Variants in PCDHAC1 observed in about 807,000 individuals in gnomAD.
PCDHAC1 encodes the protein protocadherin alpha subfamily C, 1, also known as protocadherin alpha-C1.
Under a neutral mutation model 60.0 loss-of-function variants are expected in PCDHAC1, and 42 were observed. The observed-to-expected ratio is 0.70, with a 90% CI of 0.55 to 0.90. The LOEUF (loss-of-function observed/expected upper bound fraction) is 0.90. PCDHAC1 is among the 40% of genes least tolerant of loss of function. PCDHAC1 has a pLI of 0.00. For synonymous variants in PCDHAC1, 468 were observed against 499.3 expected, an observed-to-expected ratio of 0.94 and a Z score of 0.84; for missense variants, 1,160 against 1,222.3, an observed-to-expected ratio of 0.95 and a Z score of 0.76.
intron 1 of PCDHAC1, among the ~76,000 whole-genome samples, chr5:140,942,026 A>G (rs1394001505): frequency 6.6e-6 from 1 of 152,194 alleles, no homozygotes; most frequent in Non-Finnish European, 1.5e-5. Flanking sequence ...GGAAAAAATA[A>G]TTCATAAACC....
In PCDHAC1 at chr5:140,993,461, CT is replaced by C. The variant is rs1554253717; in HGVS notation, c.2581+10899del. 2.8e-3 allele frequency among the ~76,000 whole-genome samples: 284 copies of C among 103,272 alleles called. 3 individuals are homozygous for C. Among genetic ancestry groups the C allele is most frequent in the African/African-American group, 0.011 (251 of 22,630 alleles). 67.8% of individuals were successfully genotyped at this position (103,272 alleles called of 152,430 possible). ...TCATTCCTGTTCTCCTTCTTTCTTTCTCACACACACACACACACACACACAC... is the reference window on the plus strand; with the variant it reads ...TCATTCCTGTTCTCCTTCTTTCTTTCCACACACACACACACACACACACAC... On this transcript the variant is annotated intron_variant, in intron 3 of 3. Coordinates refer to ENST00000253807, the MANE Select transcript of PCDHAC1 (RefSeq NM_018898.5).
In PCDHAC1 at chr5:140,926,944, G is replaced by A; in HGVS notation, c.52G>A (p.Ala18Thr). The change falls in exon 1 of 4, where the codon GCA (alanine) becomes ACA (threonine). Residue 18 changes from alanine (A) to threonine (T), a missense_variant. Physicochemically the swap from Ala to Thr is moderately conservative, Grantham distance 58. This residue lies in a region of PCDHAC1 where 43 missense variants were observed against 40.4 expected (regional missense o/e 1.06). Coordinates refer to ENST00000253807, the MANE Select transcript of PCDHAC1 (RefSeq NM_018898.5). ...ATGTTTGTGGGTTTCCTGCGGCGCTGCAGCGGGACAGCTCGAGTACTCAGT... is the reference window on the plus strand; with the variant it reads ...ATGTTTGTGGGTTTCCTGCGGCGCTACAGCGGGACAGCTCGAGTACTCAGT... ...VLCLWVSCGA[A>T]AGQLEYSVPE... The A allele has an allele frequency of 6.3e-7, 1 of 1,588,324 alleles. No individual in the cohort carries two copies. The highest frequency in any genetic ancestry group is 8.6e-7 in the Non-Finnish European group (1 of 1,164,212).
chr5:140,980,229 T>C (rs2096881022), intron 2 of PCDHAC1, among the ~76,000 whole-genome samples: 1 of 152,232 alleles, frequency 6.6e-6, no homozygotes, highest in South Asian at 2.1e-4. Flanking sequence ...TCTGAGCTGT[T>C]GGTGGAGACA....
At chr5:140,989,437 A>G (rs1330784508) in intron 3 of PCDHAC1, among the ~76,000 whole-genome samples, 1 of 152,138 alleles carries the variant, frequency 6.6e-6, no homozygotes, top group East Asian at 1.9e-4. Flanking sequence ...AAAATTGCTG[A>G]GGTTGTTTAG....
chr5:140,981,721 A>G (rs2096948672), intron 2 of PCDHAC1, among the ~76,000 whole-genome samples: 1 of 151,112 alleles, frequency 6.6e-6, no homozygotes, highest in Non-Finnish European at 1.5e-5. Context: ...TTCATCCAAC[A>G]AATATTTGAG....
At chr5:140,949,721 A>G (rs1466646683) in intron 1 of PCDHAC1, among the ~76,000 whole-genome samples, 1 of 151,690 alleles carries the variant, frequency 6.6e-6, no homozygotes, top group East Asian at 1.9e-4. Context: ...CATTTTGATA[A>G]TATCTGCTTT....
intron 1 of PCDHAC1, among the ~76,000 whole-genome samples, chr5:140,953,914 T>A (rs1554221128): frequency 6.6e-6 from 1 of 152,134 alleles, no homozygotes; most frequent in South Asian, 2.1e-4. Context: ...ATCCATTAGG[T>A]ATTCTTCCTG....
chr5:140,949,852 T>C (rs1311994394), intron 1 of PCDHAC1, among the ~76,000 whole-genome samples: 1 of 151,956 alleles, frequency 6.6e-6, no homozygotes. Context: ...TGTTTCCGCT[T>C]ATCTGTTGTC....
At chr5:140,929,663 G>A (rs1284467278) in intron 1 of PCDHAC1, 1 of 336,002 alleles carries the variant, frequency 3.0e-6, no homozygotes, top group African/African-American at 2.1e-5. Context: ...TATTTAAAGT[G>A]AAGAATGAAA....
intron 2 of PCDHAC1, among the ~76,000 whole-genome samples, chr5:140,981,854 C>T (rs2096954295): frequency 6.6e-6 from 1 of 152,132 alleles, no homozygotes; most frequent in South Asian, 2.1e-4. Flanking sequence ...GTATCTCACT[C>T]CCAGCAATGT....
intron 1 of PCDHAC1, among the ~76,000 whole-genome samples, chr5:140,933,464 A>G (rs1257783133): frequency 1.3e-5 from 2 of 152,074 alleles, no homozygotes; most frequent in African/African-American, 4.8e-5. Flanking sequence ...TATACTCTGA[A>G]TTCAAACACA....
At chr5:140,937,500 C>T (rs2091549219) in intron 1 of PCDHAC1, among the ~76,000 whole-genome samples, 1 of 152,024 alleles carries the variant, frequency 6.6e-6, no homozygotes, top group Admixed American at 6.6e-5. Context: ...ACCCGTAATC[C>T]CAGCTACTCA....
Position 140,929,423 on chromosome 5 carries a change from C to T in PCDHAC1, c.2433+98C>T, listed in dbSNP as rs1435902323. 4.7e-6 allele frequency: 7 copies of T among 1,499,372 alleles called. No homozygotes were observed. In the Admixed American group the frequency reaches 7.1e-5, roughly 15 times the overall value. The allele number at this position is 1,499,372 out of a possible 1,614,324, so 92.9% of individuals were successfully genotyped here. A position where few individuals can be genotyped will look rare whatever the true frequency, so the allele number is the denominator to read the frequency against. The stretch of plus-strand genomic sequence containing the variant: ...AGACAAGCCTTTCACAACATTTCAT[C>T]AATTGAACTAAACACTCCTTCTTAG... On this transcript the variant is annotated intron_variant, in intron 1 of 3. Transcript: ENST00000253807.
At chr5:140,972,660 A>ATTTTTT (rs11350929) in intron 1 of PCDHAC1, among the ~76,000 whole-genome samples, 2 of 117,268 alleles carry the variant, frequency 1.7e-5, no homozygotes, top group African/African-American at 3.3e-5. Context: ...AAGAAACCAA[A>ATTTTTT]TTTTTTTTTT....
At chr5:141,001,265 T>C (rs71583613) in intron 3 of PCDHAC1, among the ~76,000 whole-genome samples, 24 of 152,168 alleles carry the variant, frequency 1.6e-4, no homozygotes, top group Admixed American at 7.2e-4. Flanking sequence ...GGCACTCTTA[T>C]GAACTTTTTT....
rs143656335 is a variant in PCDHAC1, at chr5:140,968,986, A to G, written c.2434-9963A>G. 244 of 1,614,206 alleles carry G rather than the reference A, an allele frequency of 1.5e-4. No individual in the cohort carries two copies. In the African/African-American group the frequency reaches 3.0e-3, roughly 20 times the overall value. On this transcript the variant is annotated intron_variant, in intron 1 of 3. Transcript: ENST00000253807. ...ACCGCTACACTGCGTATGGCACTGC[A>G]TGCTGTGGAGGCTTCTGTGGAGTAA...
chr5:140,970,854 T>TC (rs112843531), intron 1 of PCDHAC1, among the ~76,000 whole-genome samples: 13,960 of 152,238 alleles, frequency 0.092, 852 homozygotes, highest in African/African-American at 0.17. Context: ...GCACAAAAGT[T>TC]CCATTCCTGA....
At chr5:140,955,190 A>G (rs1269758289) in intron 1 of PCDHAC1, among the ~76,000 whole-genome samples, 2 of 152,050 alleles carry the variant, frequency 1.3e-5, no homozygotes, top group Admixed American at 6.6e-5. Flanking sequence ...TGTGGTGTAT[A>G]TGAAGTCAAT....
rs190283736 is a variant in PCDHAC1 at position 140,986,671 on chromosome 5, A to G, written c.2581+4108A>G. 1.7e-3 allele frequency among the ~76,000 whole-genome samples: 261 copies of G among 152,322 alleles called. 3 individuals carry two copies. The highest frequency in any genetic ancestry group is 2.2e-4 in the Non-Finnish European group (15 of 68,018). ...GTGGGAGATGCTCACAGTTTTCAGA[A>G]GAGTTCAGAAAGTTTCAAAACACAC... On this transcript the variant is annotated intron_variant, in intron 3 of 3. Coordinates refer to ENST00000253807, the MANE Select transcript of PCDHAC1 (RefSeq NM_018898.5).
Sources: allele counts gnomAD v4.1 joint callset (sites outside exome capture counted in the v4.1 genomes callset), GRCh38; gene constraint gnomAD v4.1.1; regional missense constraint gnomAD v4.1.1; transcripts MANE v1.5; gene names NCBI Gene and HGNC (gene_info 2026-07-23, HGNC 2026-07-21).